Variants in SLC25A21 observed in about 807,000 individuals in gnomAD.
SLC25A21 encodes solute carrier family 25 member 21.
SLC25A21 carries 47 observed loss-of-function variants against 43.8 expected under a neutral mutation model. The ratio of observed to expected loss-of-function variants is 1.07; its 90% CI spans 0.85 to 1.37. SLC25A21 has a LOEUF of 1.37. Ranked by LOEUF, SLC25A21 falls within the 40% of genes most tolerant of loss-of-function variation. SLC25A21 has a pLI of 0.00. For missense variants in SLC25A21, 352 were observed against 350.2 expected, an observed-to-expected ratio of 1.00 and a Z score of -0.04; for synonymous variants, 131 against 121.3, an observed-to-expected ratio of 1.08 and a Z score of -0.52.
At chr14:37,116,985 C>A (rs1345445646) in intron 1 of SLC25A21, among the ~76,000 whole-genome samples, 2 of 152,072 alleles carry the variant, frequency 1.3e-5, no homozygotes, top group East Asian at 1.9e-4. Context: ...TTTGACATGG[C>A]GGCTCAGTTT....
chr14:37,089,330 T>C (rs1005081893), intron 1 of SLC25A21, among the ~76,000 whole-genome samples: 1 of 152,188 alleles, frequency 6.6e-6, no homozygotes, highest in Non-Finnish European at 1.5e-5. Flanking sequence ...CACATTAACC[T>C]TCCTACCTAG....
At chr14:36,685,034 C>A (rs943532243) in intron 7 of SLC25A21, 109 bp from the exon 8 acceptor site, 26 of 744,724 alleles carry the variant, frequency 3.5e-5, no homozygotes, top group Middle Eastern at 2.9e-4. Context: ...TCCCGGCACC[C>A]TCCTGTTATT....
At chr14:36,855,509 G>C (rs60420564) in intron 2 of SLC25A21, among the ~76,000 whole-genome samples, 2,428 of 152,188 alleles carry the variant, frequency 0.016, 64 homozygotes, top group African/African-American at 0.053. Context: ...CCATTGGTGG[G>C]GCAAGTACCA....
chr14:36,743,490 C>T (rs146824518), intron 3 of SLC25A21, among the ~76,000 whole-genome samples: 68 of 152,046 alleles, frequency 4.5e-4, no homozygotes, highest in African/African-American at 1.6e-3. Flanking sequence ...AAAGACAACC[C>T]AATCATGGAG....
chr14:37,062,695 T>C (rs142437580), intron 1 of SLC25A21, among the ~76,000 whole-genome samples: 1 of 152,208 alleles, frequency 6.6e-6, no homozygotes, highest in Non-Finnish European at 1.5e-5. Flanking sequence ...ACCATCAAGA[T>C]CGGGACAGGG....
intron 2 of SLC25A21, among the ~76,000 whole-genome samples, chr14:36,830,074 T>TA: frequency 6.6e-6 from 1 of 152,246 alleles, no homozygotes; most frequent in African/African-American, 2.4e-5. Context: ...AAAATGTTTG[T>TA]AAAAACAATA....
intron 1 of SLC25A21, among the ~76,000 whole-genome samples, chr14:37,079,865 G>A (rs528481147): frequency 7.9e-5 from 12 of 152,278 alleles, no homozygotes; most frequent in Admixed American, 7.8e-4. Context: ...TAATCACTAA[G>A]GTAATGTGTT....
chr14:36,999,055 A>G (rs1960431896), intron 1 of SLC25A21, among the ~76,000 whole-genome samples: 1 of 152,136 alleles, frequency 6.6e-6, no homozygotes, highest in Admixed American at 6.6e-5. Context: ...TCTCTCCTTG[A>G]TATTTGTCCA....
intron 1 of SLC25A21, among the ~76,000 whole-genome samples, chr14:37,079,060 T>G (rs1962336827): frequency 6.6e-6 from 1 of 152,222 alleles, no homozygotes; most frequent in African/African-American, 2.4e-5. Context: ...ATAGTTTCTT[T>G]AAATCATCAC....
intron 6 of SLC25A21, among the ~76,000 whole-genome samples, chr14:36,714,845 A>T (rs1884055237): frequency 6.6e-6 from 1 of 152,212 alleles, no homozygotes. Flanking sequence ...TGGTAACAAC[A>T]GAGTTCCAAC....
chr14:36,792,802 T>C (rs1304271397), intron 3 of SLC25A21, among the ~76,000 whole-genome samples: 1 of 152,190 alleles, frequency 6.6e-6, no homozygotes, highest in Non-Finnish European at 1.5e-5. Context: ...AGTTAAACAA[T>C]TTATGGAACT....
intron 1 of SLC25A21, among the ~76,000 whole-genome samples, chr14:36,920,233 GTAAAATAATTCT>G: frequency 6.6e-6 from 1 of 152,004 alleles, no homozygotes; most frequent in Non-Finnish European, 1.5e-5. Flanking sequence ...AAGGATTCAG[GTAAAATAATTCT>G]TGGCTTAGTT....
At chr14:36,993,703 T>C (rs1398911171) in intron 1 of SLC25A21, among the ~76,000 whole-genome samples, 1 of 152,144 alleles carries the variant, frequency 6.6e-6, no homozygotes, top group African/African-American at 2.4e-5. Flanking sequence ...ATTCTCATCA[T>C]AAATGTTAAC....
Position 36,735,999 on chromosome 14 carries a change from C to CG in SLC25A21, c.204-1427_204-1426insC, listed in dbSNP as rs1346222681. On this transcript the variant is annotated intron_variant, in intron 3 of 9. Coordinates refer to ENST00000331299, the MANE Select transcript of SLC25A21 (RefSeq NM_030631.4). Reference sequence around the variant, plus strand: ...TCGCCCAGGCTGGAGTGCAGGGGCGCATCTCGGCTCACTGCAAGCTCCACC... The same window carrying CG: ...TCGCCCAGGCTGGAGTGCAGGGGCGCGATCTCGGCTCACTGCAAGCTCCACC... Among the ~76,000 whole-genome samples the CG allele has an allele frequency of 2.2e-5, 3 of 134,312 alleles. No individual in the cohort carries two copies. The Admixed American group carries it at 2.7e-4, about 12-fold the overall frequency. The allele number at this position is 134,312 out of a possible 152,430, so 88.1% of individuals were successfully genotyped here. A position where few individuals can be genotyped will look rare whatever the true frequency, so the allele number is the denominator to read the frequency against.
At chr14:36,841,452 C>T (rs1889380966) in intron 2 of SLC25A21, among the ~76,000 whole-genome samples, 1 of 152,216 alleles carries the variant, frequency 6.6e-6, no homozygotes, top group Non-Finnish European at 1.5e-5. Flanking sequence ...GTCTGCCAGG[C>T]TAGAAACCTC....
chr14:36,813,794 C>T (rs1040223609), intron 3 of SLC25A21, 124 bp downstream of exon 3: 1 of 667,030 alleles, frequency 1.5e-6, no homozygotes, highest in Non-Finnish European at 2.6e-6. Flanking sequence ...AAAAACATAA[C>T]AAAGTAGAAA....
Position 36,750,339 on chromosome 14 carries a change from C to T in SLC25A21, c.204-15766G>A, listed in dbSNP as rs1885659850. Among the ~76,000 whole-genome samples the T allele has an allele frequency of 2.6e-5, 4 of 152,156 alleles. No individual in the cohort carries two copies. In the South Asian group the frequency reaches 8.3e-4, roughly 32 times the overall value. On this transcript the variant is annotated intron_variant, in intron 3 of 9. Coordinates refer to ENST00000331299, the MANE Select transcript of SLC25A21 (RefSeq NM_030631.4). The stretch of plus-strand genomic sequence containing the variant: ...AGACTTCCTAGGAGTTCTTATCCCC[C>T]ATCAACTACCAAGCTATGGTAATGA...
chr14:37,116,023 C>G (rs954099313), intron 1 of SLC25A21, among the ~76,000 whole-genome samples: 3 of 152,004 alleles, frequency 2.0e-5, no homozygotes, highest in African/African-American at 7.2e-5. Flanking sequence ...TAAAACTGAA[C>G]TTGTCCCAGG....
chr14:36,933,261 C>T (rs886915857), intron 1 of SLC25A21, among the ~76,000 whole-genome samples: 3 of 152,034 alleles, frequency 2.0e-5, no homozygotes, highest in Non-Finnish European at 4.4e-5. Flanking sequence ...GAACATGAGC[C>T]CCACCTGAGC....
Sources: allele counts gnomAD v4.1 joint callset (sites outside exome capture counted in the v4.1 genomes callset), GRCh38; gene constraint gnomAD v4.1.1; transcripts MANE v1.5; gene names NCBI Gene and HGNC (gene_info 2026-07-23, HGNC 2026-07-21).